Variants in UMAD1 observed in about 807,000 individuals in gnomAD.
The protein encoded by UMAD1 is UBAP1-MVB12-associated (UMA)-domain containing protein 1.
Under a neutral mutation model 6.1 loss-of-function variants are expected in UMAD1, and 8 were observed. The ratio of observed to expected loss-of-function variants is 1.30; its 90% CI spans 0.76 to 2.35. UMAD1 has a LOEUF of 2.35. Among genes scored for constraint, UMAD1 ranks in the 30% most tolerant of loss-of-function variants. The pLI is 0.00. For synonymous variants in UMAD1, 56 were observed against 31.4 expected (o/e 1.78, Z -2.61); for missense variants, 130 against 78.4 (o/e 1.66, Z -2.49).
chr7:7,717,206 G>T (rs1780937834), intron 2 of UMAD1, among the ~76,000 whole-genome samples: 1 of 151,842 alleles, frequency 6.6e-6, no homozygotes, highest in African/African-American at 2.4e-5. Context: ...ACCGGTATGC[G>T]CCACCACGCC....
At chr7:7,812,485 A>G (rs1003975834) in intron 3 of UMAD1, among the ~76,000 whole-genome samples, 14 of 152,220 alleles carry the variant, frequency 9.2e-5, no homozygotes, top group African/African-American at 2.9e-4. Context: ...ATTGATCACA[A>G]TTGATTGCAA....
chr7:7,810,688 A>C (rs1263170603), intron 3 of UMAD1, among the ~76,000 whole-genome samples: 1 of 152,164 alleles, frequency 6.6e-6, no homozygotes, highest in Non-Finnish European at 1.5e-5. Context: ...TCTATAATGA[A>C]TGTATCTTAT....
chr7:7,744,187 G>C (rs1781526234), intron 2 of UMAD1, among the ~76,000 whole-genome samples: 1 of 152,038 alleles, frequency 6.6e-6, no homozygotes, highest in South Asian at 2.1e-4. Flanking sequence ...AAAATAGGTA[G>C]GTTTTTGTGA....
At chr7:7,746,098 C>T (rs112469539) in intron 2 of UMAD1, among the ~76,000 whole-genome samples, 1 of 152,172 alleles carries the variant, frequency 6.6e-6, no homozygotes, top group Middle Eastern at 3.2e-3. Context: ...TTAAACCTTG[C>T]GTCTTGATTA....
chr7:7,835,271 G>T (rs2115308487), intron 3 of UMAD1, among the ~76,000 whole-genome samples: 1 of 151,818 alleles, frequency 6.6e-6, no homozygotes. Context: ...AGCAAGATTT[G>T]TGACTTAAAT....
intron 3 of UMAD1, among the ~76,000 whole-genome samples, chr7:7,813,546 T>C (rs534839090): frequency 6.6e-6 from 1 of 152,232 alleles, no homozygotes; most frequent in South Asian, 2.1e-4. Flanking sequence ...GGAGAAAAGA[T>C]TGGTGTATGC....
intron 3 of UMAD1, among the ~76,000 whole-genome samples, chr7:7,868,012 G>A (rs1230189494): frequency 6.6e-6 from 1 of 151,956 alleles, no homozygotes; most frequent in East Asian, 1.9e-4. Flanking sequence ...TGAAGTAGGA[G>A]GCTGGCCCAC....
intron 2 of UMAD1, among the ~76,000 whole-genome samples, chr7:7,777,026 C>CTA (rs1782221826): frequency 6.6e-6 from 1 of 152,170 alleles, no homozygotes; most frequent in Non-Finnish European, 1.5e-5. Flanking sequence ...AGGTAGCTTA[C>CTA]TATACCAACT....
rs367724062 is a variant in UMAD1 at position 7,877,786 on chromosome 7, G to A, written c.*248G>A. The A allele has an allele frequency of 2.3e-6, 1 of 443,840 alleles. No individual in the cohort carries two copies. Among genetic ancestry groups the A allele is most frequent in the Admixed American group, 3.8e-5 (1 of 26,018 alleles). The allele number at this position is 443,840 out of a possible 1,614,324, so 27.5% of individuals were successfully genotyped here. A position where few individuals can be genotyped will look rare whatever the true frequency, so the allele number is the denominator to read the frequency against. ...ATTAGGCTATGAAGGTTTTAGGAAA[G>A]GACTCGATTCCTTCAGATGGTCTCT... On this transcript the variant is annotated 3_prime_UTR_variant, in exon 4 of 4. Coordinates refer to ENST00000682710, the MANE Select transcript of UMAD1 (RefSeq NM_001302348.2).
chr7:7,836,844 A>G (rs1343252945), intron 3 of UMAD1, among the ~76,000 whole-genome samples: 1 of 151,932 alleles, frequency 6.6e-6, no homozygotes, highest in Non-Finnish European at 1.5e-5. Flanking sequence ...AGTAGCATGA[A>G]GGATATAATG....
intron 2 of UMAD1, among the ~76,000 whole-genome samples, chr7:7,788,594 G>T (rs1300536380): frequency 6.6e-6 from 1 of 151,928 alleles, no homozygotes; most frequent in Non-Finnish European, 1.5e-5. Context: ...CAGGCTCTCA[G>T]TGTCTGATTT....
intron 2 of UMAD1, among the ~76,000 whole-genome samples, chr7:7,731,047 G>C (rs1781239663): frequency 6.6e-6 from 1 of 152,162 alleles, no homozygotes; most frequent in African/African-American, 2.4e-5. Flanking sequence ...CACCAGGCTG[G>C]AGTGCAGTGG....
intron 2 of UMAD1, among the ~76,000 whole-genome samples, chr7:7,718,146 A>G (rs977051479): frequency 3.3e-5 from 5 of 152,226 alleles, no homozygotes; most frequent in African/African-American, 1.2e-4. Context: ...TAAAACTGGT[A>G]TTAATTTGGG....
At chr7:7,849,261 C>A (rs2115322698) in intron 3 of UMAD1, among the ~76,000 whole-genome samples, 1 of 152,284 alleles carries the variant, frequency 6.6e-6, no homozygotes, top group East Asian at 1.9e-4. Context: ...GCTGCTCCTC[C>A]TTATAACACT....
chr7:7,755,229 C>G (rs1207382224), intron 2 of UMAD1, among the ~76,000 whole-genome samples: 1 of 152,142 alleles, frequency 6.6e-6, no homozygotes, highest in Non-Finnish European at 1.5e-5. Context: ...TTTCCACGTA[C>G]AAAATTTAAG....
In UMAD1 at chr7:7,829,979, T is replaced by C. The variant is rs117874422; in HGVS notation, c.156+28236T>C. Among the ~76,000 whole-genome samples, 302 of 152,304 alleles carry C rather than the reference T, an allele frequency of 2.0e-3. 3 individuals carry two copies. In the Middle Eastern group the frequency reaches 0.024, roughly 12 times the overall value. ...GAGATCAGGCCCTTATCTTCCCTCA[T>C]TGGATTTACTACAGAGTCTTCCGAC... On this transcript the variant is annotated intron_variant, in intron 3 of 3. Coordinates refer to ENST00000682710, the MANE Select transcript of UMAD1 (RefSeq NM_001302348.2).
intron 3 of UMAD1, among the ~76,000 whole-genome samples, chr7:7,832,054 T>G (rs1325478076): frequency 1.3e-5 from 2 of 152,218 alleles, no homozygotes; most frequent in Non-Finnish European, 2.9e-5. Flanking sequence ...ACGCTGGCCC[T>G]TTGAATGTTG....
At chr7:7,872,507 A>G (rs1784348859) in intron 3 of UMAD1, among the ~76,000 whole-genome samples, 1 of 152,212 alleles carries the variant, frequency 6.6e-6, no homozygotes. Context: ...AGCATCAAAG[A>G]TCACTGATCA....
intron 3 of UMAD1, among the ~76,000 whole-genome samples, chr7:7,876,006 A>T (rs1784410644): frequency 6.6e-6 from 1 of 152,232 alleles, no homozygotes; most frequent in African/African-American, 2.4e-5. Flanking sequence ...GTGAGCCAGG[A>T]TCACGCACTG....
Sources: allele counts gnomAD v4.1 joint callset (sites outside exome capture counted in the v4.1 genomes callset), GRCh38; gene constraint gnomAD v4.1.1; transcripts MANE v1.5; gene names NCBI Gene and HGNC (gene_info 2026-07-23, HGNC 2026-07-21).